ANO2: variants seen among roughly 807,000 people sequenced by gnomAD.
The protein encoded by ANO2 is anoctamin 2.
A neutral mutation model predicts 124.2 loss-of-function variants in ANO2; 101 were observed. The observed-to-expected ratio is 0.81, with a 90% confidence interval of 0.69 to 0.96. ANO2 has a LOEUF of 0.96. ANO2 is among the 40% of genes least tolerant of loss of function. The probability of loss-of-function intolerance (pLI) is 0.00; values close to 1 mark genes in which losing one functional copy is unlikely to be tolerated. For missense variants in ANO2, 1,293 were observed against 1,274.5 expected, an observed-to-expected ratio of 1.01 and a Z score of -0.22; for synonymous variants, 486 against 482.5, an observed-to-expected ratio of 1.01 and a Z score of -0.09.
chr12:5,704,879 T>C (rs1949544663), intron 14 of ANO2, among the ~76,000 whole-genome samples: 1 of 152,184 alleles, frequency 6.6e-6, no homozygotes, highest in Admixed American at 6.5e-5. Flanking sequence ...ATCTGAAAAA[T>C]ACATAGACCT....
chr12:5,614,108 G>A (rs760893348), intron 17 of ANO2, among the ~76,000 whole-genome samples: 1 of 152,186 alleles, frequency 6.6e-6, no homozygotes, highest in Non-Finnish European at 1.5e-5. Context: ...GTTGTTGGTT[G>A]ACGCCTATTG....
At chr12:5,871,078 C>T (rs1937660431) in intron 3 of ANO2, among the ~76,000 whole-genome samples, 1 of 152,086 alleles carries the variant, frequency 6.6e-6, no homozygotes, top group Non-Finnish European at 1.5e-5. Flanking sequence ...ATAAAGGCAC[C>T]ACATGGGCTC....
chr12:5,821,365 G>C (rs552123073), intron 7 of ANO2, among the ~76,000 whole-genome samples: 1 of 152,312 alleles, frequency 6.6e-6, no homozygotes, highest in East Asian at 1.9e-4. Flanking sequence ...GGATTTTGGA[G>C]GCAACACATT....
intron 19 of ANO2, among the ~76,000 whole-genome samples, chr12:5,603,044 C>T (rs982790389): frequency 6.6e-6 from 1 of 152,140 alleles, no homozygotes; most frequent in Non-Finnish European, 1.5e-5. Flanking sequence ...ATGAATTTCA[C>T]CAACCAAGGA....
chr12:5,565,413 G>T, intron 24 of ANO2, 145 bp downstream of exon 24: 1 of 719,652 alleles, frequency 1.4e-6, no homozygotes, highest in South Asian at 1.8e-5. Flanking sequence ...CCGGAAAGGA[G>T]CCCTCACTTC....
intron 4 of ANO2, among the ~76,000 whole-genome samples, chr12:5,842,820 G>A (rs959584410): frequency 9.2e-5 from 14 of 152,238 alleles, no homozygotes; most frequent in East Asian, 5.8e-4. Flanking sequence ...TCCGCCACAC[G>A]GCCGTGACCA....
intron 3 of ANO2, among the ~76,000 whole-genome samples, chr12:5,907,366 A>G (rs1940768444): frequency 1.3e-5 from 2 of 152,286 alleles, no homozygotes; most frequent in Non-Finnish European, 2.9e-5. Flanking sequence ...GCCTAAAATT[A>G]GGAATCTAGT....
chr12:5,782,099 T>C (rs1282217320), intron 10 of ANO2, among the ~76,000 whole-genome samples: 1 of 152,230 alleles, frequency 6.6e-6, no homozygotes, highest in Non-Finnish European at 1.5e-5. Flanking sequence ...TGTCAACTAC[T>C]GCTCCATCTA....
chr12:5,871,303 A>C (rs1372660353), intron 3 of ANO2, among the ~76,000 whole-genome samples: 1 of 152,246 alleles, frequency 6.6e-6, no homozygotes, highest in African/African-American at 2.4e-5. Context: ...CAAATAAAAG[A>C]ATAATTTCTT....
chr12:5,780,562 T>C (rs1448381451), intron 10 of ANO2, among the ~76,000 whole-genome samples: 2 of 152,252 alleles, frequency 1.3e-5, no homozygotes, highest in Admixed American at 6.5e-5. Context: ...CATTCAGTCA[T>C]TCCTTTGATT....
At chr12:5,628,399 C>G (rs1404215536) in intron 16 of ANO2, among the ~76,000 whole-genome samples, 5 of 152,172 alleles carry the variant, frequency 3.3e-5, no homozygotes, top group Middle Eastern at 3.2e-3. Flanking sequence ...GTTGCTCTCC[C>G]AATAAATTTA....
chr12:5,762,036 A>G (rs986005467), intron 10 of ANO2, among the ~76,000 whole-genome samples: 1 of 152,124 alleles, frequency 6.6e-6, no homozygotes, highest in African/African-American at 2.4e-5. Context: ...TAAATTAAAT[A>G]GATGTAAGTA....
intron 10 of ANO2, among the ~76,000 whole-genome samples, chr12:5,797,119 G>A (rs1028637967): frequency 1.3e-5 from 2 of 152,222 alleles, no homozygotes; most frequent in Non-Finnish European, 2.9e-5. Context: ...ACTTCTCCGC[G>A]AGGCACACGG....
intron 19 of ANO2, among the ~76,000 whole-genome samples, chr12:5,609,387 T>A (rs1232289342): frequency 6.6e-6 from 1 of 152,172 alleles, no homozygotes; most frequent in Non-Finnish European, 1.5e-5. Context: ...CCTCTGAGGT[T>A]GTCCCAGTAC....
At chr12:5,588,109 G>C (rs1162502104) in intron 20 of ANO2, among the ~76,000 whole-genome samples, 1 of 152,146 alleles carries the variant, frequency 6.6e-6, no homozygotes, top group Non-Finnish European at 1.5e-5. Context: ...CAGAGGCGGG[G>C]GGCAGCTTTG....
At chr12:5,887,028 A>G (rs904369166) in intron 3 of ANO2, among the ~76,000 whole-genome samples, 5 of 152,256 alleles carry the variant, frequency 3.3e-5, no homozygotes, top group African/African-American at 1.2e-4. Flanking sequence ...GTTGCGCTAC[A>G]ATGTGAATGT....
chr12:5,879,832 A>C (rs1471923561), intron 3 of ANO2, among the ~76,000 whole-genome samples: 2 of 152,208 alleles, frequency 1.3e-5, no homozygotes, highest in African/African-American at 4.8e-5. Context: ...CTGGGACAAC[A>C]TGCTTAAGAA....
Position 5,571,503 on chromosome 12 carries a change from T to C in ANO2, c.2621+4331A>G, listed in dbSNP as rs186150589. On this transcript the variant is annotated intron_variant, in intron 23 of 24. Coordinates refer to ENST00000682330, the MANE Select transcript of ANO2 (RefSeq NM_001364791.2). ...CCTCAGTTTTATTTGACCACATTTA[T>C]CTCCAGAGGTCACTGAAAGCTAAGA... Among the ~76,000 whole-genome samples the C allele has an allele frequency of 2.6e-5, 4 of 152,312 alleles. No homozygotes were observed. The East Asian group carries it at 7.7e-4, about 29-fold the overall frequency.
rs945780226 is a variant in ANO2, at chr12:5,750,826, A to T, written c.1190+10T>A. 6 of 1,607,616 alleles carry T rather than the reference A, an allele frequency of 3.7e-6. No individual in the cohort carries two copies. Among genetic ancestry groups the T allele is most frequent in the Non-Finnish European group, 5.1e-6 (6 of 1,178,090 alleles). ...TGGCAACTGAGCCCTTTTCTTTAAAACTGATTTACCTGGGAATATCTTCTT... is the reference window on the plus strand; with the variant it reads ...TGGCAACTGAGCCCTTTTCTTTAAATCTGATTTACCTGGGAATATCTTCTT... On this transcript the variant is annotated intron_variant, in intron 11 of 24. Coordinates refer to ENST00000682330, the MANE Select transcript of ANO2 (RefSeq NM_001364791.2).
Sources: allele counts gnomAD v4.1 joint callset (sites outside exome capture counted in the v4.1 genomes callset), GRCh38; gene constraint gnomAD v4.1.1; transcripts MANE v1.5; gene names NCBI Gene and HGNC (gene_info 2026-07-23, HGNC 2026-07-21).